Variants in DIAPH2 observed in about 807,000 individuals in gnomAD.
The protein encoded by DIAPH2 is diaphanous related formin 2, also known as protein diaphanous homolog 2.
DIAPH2 carries 35 observed loss-of-function variants against 92.7 expected under a neutral mutation model. The ratio of observed to expected loss-of-function variants is 0.38; its 90% confidence interval spans 0.29 to 0.50. The LOEUF is 0.50. DIAPH2 is among the 20% of genes least tolerant of loss of function. The probability of loss-of-function intolerance (pLI) is 0.94; values close to 1 mark genes in which losing one functional copy is unlikely to be tolerated. For synonymous variants in DIAPH2, 301 were observed against 280.4 expected (o/e 1.07, Z -0.73); for missense variants, 701 against 819.5 (o/e 0.86, Z 1.77).
At chrX:97,007,188 T>C (rs1192002414) in intron 17 of DIAPH2, among the ~76,000 whole-genome samples, 1 of 112,053 alleles carries the variant, frequency 8.9e-6, no homozygotes, top group East Asian at 2.8e-4. Context: ...TTAGTGTTTC[T>C]ACTCAAGATA....
At chrX:97,569,681 C>T (rs1037926098) in intron 26 of DIAPH2, among the ~76,000 whole-genome samples, 4 of 110,944 alleles carry the variant, frequency 3.6e-5, no homozygotes, top group African/African-American at 1.3e-4. Context: ...AAGTTTCAAA[C>T]TTACTGCTAT....
At chrX:96,914,120 A>T (rs1424353855) in intron 7 of DIAPH2, among the ~76,000 whole-genome samples, 2 of 110,938 alleles carry the variant, frequency 1.8e-5, no homozygotes, top group African/African-American at 6.5e-5. Context: ...ACATATAAGT[A>T]TTTATATATT....
At chrX:97,287,106 T>A (rs1002248991) in intron 23 of DIAPH2, among the ~76,000 whole-genome samples, 2 of 111,592 alleles carry the variant, frequency 1.8e-5, no homozygotes, top group Non-Finnish European at 3.8e-5. Context: ...TTTTAAGAAT[T>A]TTTTGGAGCC....
intron 5 of DIAPH2, among the ~76,000 whole-genome samples, chrX:96,888,761 G>A (rs2065287346): frequency 9.3e-6 from 1 of 107,417 alleles, no homozygotes; most frequent in Non-Finnish European, 1.9e-5. Context: ...TATACAATCA[G>A]GATAACAGTA....
In DIAPH2 at chrX:97,384,060, CA is replaced by C; in HGVS notation, c.3145+18del. 1 of 1,112,359 alleles carries C rather than the reference CA, an allele frequency of 9.0e-7. No individual in the cohort carries two copies. Among genetic ancestry groups the C allele is most frequent in the Non-Finnish European group, 1.2e-6 (1 of 831,884 alleles). The allele number at this position is 1,112,359 out of a possible 1,213,427, so 91.7% of individuals were successfully genotyped here. ...ATAAACAAAGGTATGAAAATATTTCCAATTTTTACAAAAATGCAAGAAGTAC... is the reference window on the plus strand; with the variant it reads ...ATAAACAAAGGTATGAAAATATTTCCATTTTTACAAAAATGCAAGAAGTAC... On this transcript the variant is annotated intron_variant, in intron 25 of 26. Transcript: ENST00000324765.
Position 96,723,965 on chromosome X carries a change from C to T in DIAPH2, c.133-11793C>T, listed in dbSNP as rs757886382. ...TTGAGACTGAGTCTCATTCTGTTGC[C>T]CGGGCTGGAGTGCAGTGGTGCGATC... On this transcript the variant is annotated intron_variant, in intron 1 of 26. Transcript: ENST00000324765. Among the ~76,000 whole-genome samples, 10 of 94,571 alleles carry T rather than the reference C, an allele frequency of 1.1e-4. No individual in the cohort carries two copies. The East Asian group carries it at 3.0e-3, about 28-fold the overall frequency. 82.1% of individuals were successfully genotyped at this position (94,571 alleles called of 115,157 possible).
At chrX:97,256,765 A>G (rs961891617) in intron 23 of DIAPH2, among the ~76,000 whole-genome samples, 2 of 111,538 alleles carry the variant, frequency 1.8e-5, no homozygotes, top group Non-Finnish European at 1.9e-5. Flanking sequence ...CCAAGGTTCA[A>G]GTGATTCTTC....
At chrX:96,777,419 A>G (rs1487911591) in intron 4 of DIAPH2, among the ~76,000 whole-genome samples, 1 of 105,601 alleles carries the variant, frequency 9.5e-6, no homozygotes, top group Admixed American at 1.1e-4. Flanking sequence ...TAATTTGGAA[A>G]AAATCTAGAG....
intron 4 of DIAPH2, among the ~76,000 whole-genome samples, chrX:96,810,784 C>T (rs1046554170): frequency 3.6e-5 from 4 of 111,574 alleles, no homozygotes; most frequent in Non-Finnish European, 5.7e-5. Flanking sequence ...GAATCCTTTC[C>T]CCATTTCTTG....
intron 24 of DIAPH2, among the ~76,000 whole-genome samples, chrX:97,348,514 G>A (rs781032992): frequency 5.6e-4 from 63 of 111,732 alleles, no homozygotes; most frequent in Middle Eastern, 4.7e-3. Context: ...GTATACATGG[G>A]AAATGTTTTA....
At chrX:97,241,934 C>A (rs1335413140) in intron 22 of DIAPH2, among the ~76,000 whole-genome samples, 6 of 108,440 alleles carry the variant, frequency 5.5e-5, no homozygotes, top group African/African-American at 2.0e-4. Context: ...CACCACCACG[C>A]CTGGCTAATT....
At chrX:97,178,443 CTTTTTTTTTTT>C (rs766983375) in intron 22 of DIAPH2, among the ~76,000 whole-genome samples, 120 of 67,259 alleles carry the variant, frequency 1.8e-3, no homozygotes, top group African/African-American at 4.5e-3. Flanking sequence ...CTATATTTCT[CTTTTTTTTTTT>C]TTTTTTTTTT....
chrX:97,255,256 GA>G (rs764756321), intron 23 of DIAPH2, among the ~76,000 whole-genome samples: 2 of 110,921 alleles, frequency 1.8e-5, no homozygotes, highest in African/African-American at 6.5e-5. Context: ...TCTCAAATGG[GA>G]AAAAAAATGT....
intron 23 of DIAPH2, among the ~76,000 whole-genome samples, chrX:97,258,884 A>C (rs1163855369): frequency 2.8e-5 from 3 of 106,269 alleles, no homozygotes; most frequent in Non-Finnish European, 5.8e-5. Flanking sequence ...AAAAAAAAAA[A>C]AAAAAAACAA....
At chrX:97,344,827 T>G (rs1300630218) in intron 23 of DIAPH2, among the ~76,000 whole-genome samples, 4 of 112,417 alleles carry the variant, frequency 3.6e-5, no homozygotes, top group Non-Finnish European at 7.5e-5. Context: ...AACATACAAA[T>G]TTTCCCTTTT....
intron 26 of DIAPH2, among the ~76,000 whole-genome samples, chrX:97,579,095 C>T (rs1406838527): frequency 4.3e-4 from 47 of 108,244 alleles, no homozygotes; most frequent in Middle Eastern, 9.5e-3. Context: ...GAGTAGGTTG[C>T]GAAATTTTTC....
chrX:97,406,245 T>C (rs1026898103), intron 25 of DIAPH2, among the ~76,000 whole-genome samples: 3 of 111,962 alleles, frequency 2.7e-5, no homozygotes, highest in Non-Finnish European at 3.8e-5. Flanking sequence ...AAATTGTTTT[T>C]TAAAAATGGA....
intron 21 of DIAPH2, among the ~76,000 whole-genome samples, chrX:97,121,831 A>G (rs1049635699): frequency 4.5e-5 from 5 of 112,114 alleles, no homozygotes; most frequent in Admixed American, 1.9e-4. Context: ...GAACCTAGCA[A>G]CGATCAATAA....
chrX:97,227,034 G>T (rs1016117865), intron 22 of DIAPH2, among the ~76,000 whole-genome samples: 1 of 110,797 alleles, frequency 9.0e-6, no homozygotes, highest in Admixed American at 9.7e-5. Flanking sequence ...AGTTTGGGAG[G>T]CCGAGGCAGG....
Sources: gnomAD v4.1 joint callset for allele counts (sites outside exome capture counted in the v4.1 genomes callset) on GRCh38, gnomAD v4.1.1 for gene constraint, MANE v1.5 for transcripts, NCBI Gene and HGNC (gene_info 2026-07-23, HGNC 2026-07-21) for gene names.